DDX18: variants seen among roughly 807,000 people sequenced by gnomAD.
DDX18 encodes ATP-dependent RNA helicase DDX18.
Under a neutral mutation model 73.5 loss-of-function variants are expected in DDX18, and 23 were observed. The ratio of observed to expected loss-of-function variants is 0.31; its 90% CI spans 0.23 to 0.44. The LOEUF (loss-of-function observed/expected upper bound fraction) is 0.44, where lower values mean the gene tolerates loss of function less well. Among genes scored for constraint, DDX18 ranks in the 20% least tolerant of loss-of-function variants. DDX18 has a pLI of 1.00. For missense variants in DDX18, 753 were observed against 792.9 expected (o/e 0.95, Z 0.60); for synonymous variants, 268 against 282.7 (o/e 0.95, Z 0.52).
chr2:117,814,991 G>C, intron 1 of DDX18, 129 bp downstream of exon 1: 1 of 933,752 alleles, frequency 1.1e-6, no homozygotes, highest in South Asian at 1.5e-5. Flanking sequence ...ATTGGGGAGA[G>C]TGAAAAGGCA....
At chr2:117,825,972 T>C in intron 10 of DDX18, 2 of 402,250 alleles carry the variant, frequency 5.0e-6, no homozygotes, top group Non-Finnish European at 8.8e-6. Context: ...GCCGTTTTGA[T>C]GATGAAGCAC....
chr2:117,819,639 A>C lies in DDX18; in HGVS notation c.371-10A>C. 1 of 1,566,762 alleles carries C rather than the reference A, an allele frequency of 6.4e-7. No homozygotes were observed. The highest frequency in any genetic ancestry group is 8.6e-7 in the Non-Finnish European group (1 of 1,163,088). On this transcript the variant is annotated splice_polypyrimidine_tract_variant and intron_variant, in intron 2 of 13. Coordinates refer to ENST00000263239, the MANE Select transcript of DDX18 (RefSeq NM_006773.4). Reference sequence around the variant, plus strand: ...AAAATTTTTTCGGATTTTGTCTTTTAAAACCAAAGATACGAAAAAAGCAAA... The same window carrying C: ...AAAATTTTTTCGGATTTTGTCTTTTCAAACCAAAGATACGAAAAAAGCAAA...
chr2:117,828,935 CT>C lies in DDX18; in HGVS notation c.1636-10del. On this transcript the variant is annotated splice_polypyrimidine_tract_variant and intron_variant, in intron 11 of 13. Coordinates refer to ENST00000263239, the MANE Select transcript of DDX18 (RefSeq NM_006773.4). ...TCATCCTGGTTTACTAATCTTAATA[CT>C]TTTGATTTCTAGGTTCCATTAAGTG... 6.3e-7 allele frequency: 1 copy of C among 1,576,846 alleles called. No homozygotes were observed. The highest frequency in any genetic ancestry group is 8.7e-7 in the Non-Finnish European group (1 of 1,147,166).
At chr2:117,817,797 T>C in intron 2 of DDX18, 69 bp downstream of exon 2, 1 of 1,481,480 alleles carries the variant, frequency 6.8e-7, no homozygotes, top group Non-Finnish European at 9.1e-7. Flanking sequence ...CCTCTTTCTA[T>C]TACTATTGTG....
In DDX18 at chr2:117,830,877, T is replaced by A. The variant is rs1680012392; in HGVS notation, c.*153T>A. The A allele has an allele frequency of 6.4e-6, 5 of 785,906 alleles. No homozygotes were observed. The highest frequency in any genetic ancestry group is 9.9e-6 in the Non-Finnish European group (5 of 503,142). 48.7% of individuals were successfully genotyped at this position (785,906 alleles called of 1,614,324 possible). A position where few individuals can be genotyped will look rare whatever the true frequency, so the allele number is the denominator to read the frequency against. On this transcript the variant is annotated 3_prime_UTR_variant, in exon 14 of 14. Coordinates refer to ENST00000263239, the MANE Select transcript of DDX18 (RefSeq NM_006773.4). ...TGCAAGCACTGAGCACTGTTACTTC[T>A]ATCACGTCTCTCTTTTATTTCTGGG...
At chr2:117,828,658 C>A in intron 11 of DDX18, 1 of 276,564 alleles carries the variant, frequency 3.6e-6, no homozygotes, top group South Asian at 6.4e-5. Context: ...AAGCTTCAAG[C>A]TGATTCATGG....
chr2:117,817,425 G>T lies in DDX18; in HGVS notation c.86-19G>T. 6.3e-7 allele frequency: 1 copy of T among 1,583,706 alleles called. No individual in the cohort carries two copies. The highest frequency in any genetic ancestry group is 1.4e-5 in the African/African-American group (1 of 73,012). ...CTTCTCCTTCTTTGTCACAGTATAT[G>T]TTCTGTTTATTTAAACAGGGGCCTC... On this transcript the variant is annotated intron_variant, in intron 1 of 13. Coordinates refer to ENST00000263239, the MANE Select transcript of DDX18 (RefSeq NM_006773.4).
intron 2 of DDX18, 143 bp from the exon 3 acceptor site, chr2:117,819,506 C>T: frequency 2.4e-6 from 2 of 827,458 alleles, no homozygotes; most frequent in Non-Finnish European, 3.5e-6. Context: ...TTTCACCAAA[C>T]AGAATTCTTA....
intron 4 of DDX18, 116 bp from the exon 5 acceptor site, chr2:117,821,534 C>A: frequency 8.2e-7 from 1 of 1,221,830 alleles, no homozygotes; most frequent in Non-Finnish European, 1.2e-6. Flanking sequence ...TGATCAATTT[C>A]AGCACTGTAG....
At chr2:117,824,400 G>A (rs1437247545) in intron 7 of DDX18, 169 bp from the exon 8 acceptor site, 1 of 532,654 alleles carries the variant, frequency 1.9e-6, no homozygotes, top group Non-Finnish European at 2.9e-6. Context: ...CAAATTTATA[G>A]ACCTAGTGTT....
chr2:117,820,505 T>A (rs1679828450), intron 3 of DDX18, among the ~76,000 whole-genome samples: 1 of 152,332 alleles, frequency 6.6e-6, no homozygotes, highest in Admixed American at 6.5e-5. Context: ...ATCTGGTGAG[T>A]AGAGGTCAGA....
In DDX18 at chr2:117,817,728, G is replaced by C. The variant is rs200312980; in HGVS notation, c.370G>C (p.Asp124His). The change falls in exon 2 of 14, where the codon GAT becomes CAT. Residue 124 changes from aspartate (D) to histidine (H), a missense_variant and splice_region_variant. Physicochemically the swap from Asp to His is moderately conservative, Grantham distance 81. Transcript: ENST00000263239. ...AAAAATGGTGAATGATGCTGAGCCT[G>C]GTAGGTATTTATTATCTTTGAACTT... ...KRKMVNDAEP[D>H]TKKAKTENKG... 2 of 1,589,666 alleles carry C rather than the reference G, an allele frequency of 1.3e-6. No homozygotes were observed. The highest frequency in any genetic ancestry group is 2.7e-5 in the African/African-American group (2 of 73,018).
chr2:117,826,034 C>CTTTTTTTTTTTTTTTTTTT (rs59119058), intron 10 of DDX18: 2 of 96,646 alleles, frequency 2.1e-5, no homozygotes, highest in African/African-American at 1.7e-4. Flanking sequence ...CATGTCCAGC[C>CTTTTTTTTTTTTTTTTTTT]TTTTTTTTTT....
chr2:117,821,601 G>T, intron 4 of DDX18, 49 bp from the exon 5 acceptor site: 2 of 1,600,648 alleles, frequency 1.2e-6, no homozygotes, highest in East Asian at 2.2e-5. Flanking sequence ...GTAGTACGTC[G>T]TAAATGAGTA....
chr2:117,828,945 C>A lies in DDX18; in HGVS notation c.1636-4C>A. 1 of 1,596,314 alleles carries A rather than the reference C, an allele frequency of 6.3e-7. No individual in the cohort carries two copies. Among genetic ancestry groups the A allele is most frequent in the Non-Finnish European group, 8.6e-7 (1 of 1,164,274 alleles). On this transcript the variant is annotated splice_region_variant and splice_polypyrimidine_tract_variant and intron_variant, in intron 11 of 13. Transcript: ENST00000263239. ...TTACTAATCTTAATACTTTTGATTTCTAGGTTCCATTAAGTGAATTTGACT... is the reference window on the plus strand; with the variant it reads ...TTACTAATCTTAATACTTTTGATTTATAGGTTCCATTAAGTGAATTTGACT...
chr2:117,826,550 C>A, intron 11 of DDX18, 168 bp downstream of exon 11: 1 of 644,230 alleles, frequency 1.6e-6, no homozygotes, highest in Non-Finnish European at 2.7e-6. Context: ...GAAGTGAGCA[C>A]AGAAGGAACT....
In DDX18 at chr2:117,817,493, A is replaced by G; in HGVS notation, c.135A>G (p.Glu45=). The G allele has an allele frequency of 1.2e-6, 2 of 1,612,960 alleles. No homozygotes were observed. The highest frequency in any genetic ancestry group is 1.7e-6 in the Non-Finnish European group (2 of 1,179,812). ...AAACTCAAAATGGAGATGTATCTGA[A>G]GAAACAATGGGAAGTAGAAAGGTTA... The part of the protein sequence containing the change: ...LSETQNGDVS[E]ETMGSRKVKK... The change falls in exon 2 of 14, where the codon GAA becomes GAG. Residue 45 remains glutamate (E), a synonymous_variant. Coordinates refer to ENST00000263239, the MANE Select transcript of DDX18 (RefSeq NM_006773.4).
chr2:117,824,658 G>A lies in DDX18; in HGVS notation c.1156G>A (p.Val386Ile). The A allele has an allele frequency of 6.7e-7, 1 of 1,498,018 alleles. No individual in the cohort carries two copies. The highest frequency in any genetic ancestry group is 8.9e-7 in the Non-Finnish European group (1 of 1,126,946). 92.8% of individuals were successfully genotyped at this position (1,498,018 alleles called of 1,614,324 possible). A position where few individuals can be genotyped will look rare whatever the true frequency, so the allele number is the denominator to read the frequency against. ...RISLKKEPLY[V>I]GVDDDKANAT... ...TTCTCTGAAAAAGGAGCCATTGTATGTTGGCGTTGATGATGATAAAGCGAA... is the reference window on the plus strand; with the variant it reads ...TTCTCTGAAAAAGGAGCCATTGTATATTGGCGTTGATGATGATAAAGCGAA... Residue 386 changes from valine (V) to isoleucine (I), a missense_variant, in exon 8 of 14, where the codon GTT (valine) becomes ATT (isoleucine). By Grantham distance (29) the Val-to-Ile change is conservative. Around this residue, in one of 3 missense-constraint regions of DDX18, gnomAD observed 402 missense variants for 419.4 expected, o/e 0.96. Coordinates refer to ENST00000263239, the MANE Select transcript of DDX18 (RefSeq NM_006773.4).
At chr2:117,826,151 C>G (rs1679924207) in intron 10 of DDX18, 118 bp from the exon 11 acceptor site, 5 of 731,274 alleles carry the variant, frequency 6.8e-6, no homozygotes, top group Non-Finnish European at 1.1e-5. Flanking sequence ...TGTGTGTGGC[C>G]CAGCACCGTG....
Sources: gnomAD v4.1 joint callset for allele counts (sites outside exome capture counted in the v4.1 genomes callset) on GRCh38, gnomAD v4.1.1 for gene constraint, gnomAD v4.1.1 regional missense constraint, MANE v1.5 for transcripts, NCBI Gene and HGNC (gene_info 2026-07-23, HGNC 2026-07-21) for gene names.